UBXN11: variants seen among roughly 807,000 people sequenced by gnomAD.
The protein encoded by UBXN11 is UBX domain-containing protein 11.
A neutral mutation model predicts 62.8 loss-of-function variants in UBXN11; 47 were observed. The ratio of observed to expected loss-of-function variants is 0.75; its 90% confidence interval spans 0.59 to 0.95. UBXN11 has a LOEUF of 0.95. Among genes scored for constraint, UBXN11 ranks in the 40% least tolerant of loss-of-function variants. The pLI, the probability that UBXN11 is intolerant of heterozygous loss-of-function variation, is 0.00. For synonymous variants in UBXN11, 294 were observed against 267.0 expected, an observed-to-expected ratio of 1.10 and a Z score of -0.99; for missense variants, 638 against 661.7, an observed-to-expected ratio of 0.96 and a Z score of 0.39.
At chr1:26,293,846 T>G (rs918556613) in intron 8 of UBXN11, among the ~76,000 whole-genome samples, 4 of 151,526 alleles carry the variant, frequency 2.6e-5, no homozygotes, top group African/African-American at 9.7e-5. Flanking sequence ...CAGCAGCTTC[T>G]AGAACAGAAG....
chr1:26,306,834 G>GGGGGGGGGGTT (rs2073681653), upstream of UBXN11: 1 of 40,110 alleles, frequency 2.5e-5, no homozygotes, highest in African/African-American at 6.3e-5. Flanking sequence ...CGGGGTGGGG[G>GGGGGGGGGGTT]GGGGGGGTGG....
upstream of UBXN11, among the ~76,000 whole-genome samples, chr1:26,309,057 C>T (rs1238063766): frequency 2.0e-5 from 3 of 151,162 alleles, no homozygotes; most frequent in African/African-American, 4.9e-5. Flanking sequence ...CTCAGCCTCC[C>T]AAGTAGCTGG....
At chr1:26,314,423 G>A (rs908069712) in intron 1 of UBXN11, among the ~76,000 whole-genome samples, 6 of 152,200 alleles carry the variant, frequency 3.9e-5, no homozygotes, top group Non-Finnish European at 8.8e-5. Context: ...GCTCAGCTCA[G>A]TTTCTCAGCT....
chr1:26,306,824 CGGGGTGGG>C (rs1235878153), upstream of UBXN11: 7 of 5,168 alleles, frequency 1.4e-3, 2 homozygotes, highest in African/African-American at 5.8e-3. Flanking sequence ...AGGTCCGGGG[CGGGGTGGG>C]GGGGGGGGGT....
Position 26,285,800 on chromosome 1 carries a change from ACCC to A in UBXN11, c.774+20_774+22del, listed in dbSNP as rs370062434. On this transcript the variant is annotated intron_variant, in intron 9 of 14. Transcript: ENST00000374222. ...TGGGCAGCAGGGGCACTAGAGCACC[ACCC>A]CCCCCAACACCGCTCCTACCTGTGT... 5.7e-6 allele frequency: 9 copies of A among 1,566,978 alleles called. No homozygotes were observed. Among genetic ancestry groups the A allele is most frequent in the East Asian group, 4.6e-5 (2 of 43,644 alleles).
chr1:26,285,555 G>C lies in UBXN11; in HGVS notation c.775-14C>G, dbSNP rs779921734. 2 of 1,554,046 alleles carry C rather than the reference G, an allele frequency of 1.3e-6. No homozygotes were observed. The highest frequency in any genetic ancestry group is 4.6e-5 in the East Asian group (2 of 43,900). On this transcript the variant is annotated splice_polypyrimidine_tract_variant and intron_variant, in intron 9 of 14. Coordinates refer to ENST00000374222, the MANE Select transcript of UBXN11 (RefSeq NM_001389556.1). ...TCGGAGGCAGCGCTGCAAGGGAAGA[G>C]GAAAAGTGAGGGGGTGGCCTGGGCC...
intron 8 of UBXN11, among the ~76,000 whole-genome samples, chr1:26,287,063 C>A: frequency 6.6e-6 from 1 of 152,060 alleles, no homozygotes; most frequent in Non-Finnish European, 1.5e-5. Context: ...TGAAAAATGA[C>A]TCGTCCCAAG....
chr1:26,305,641 A>G (rs543704147), intron 1 of UBXN11, among the ~76,000 whole-genome samples: 2 of 151,926 alleles, frequency 1.3e-5, no homozygotes, highest in South Asian at 2.1e-4. Flanking sequence ...GGAGTGAAGT[A>G]TGTAATACGT....
chr1:26,287,963 G>A (rs1308471962), intron 8 of UBXN11, among the ~76,000 whole-genome samples: 1 of 150,660 alleles, frequency 6.6e-6, no homozygotes, highest in Non-Finnish European at 1.5e-5. Flanking sequence ...GGAGTATAGC[G>A]GCACAGTCAT....
chr1:26,296,771 G>T, intron 7 of UBXN11, 148 bp downstream of exon 7: 1 of 825,506 alleles, frequency 1.2e-6, no homozygotes, highest in Non-Finnish European at 1.9e-6. Flanking sequence ...GGCCAGTCCT[G>T]GGTAGGGAAA....
chr1:26,287,566 G>A (rs2073161651), intron 8 of UBXN11, among the ~76,000 whole-genome samples: 1 of 152,048 alleles, frequency 6.6e-6, no homozygotes, highest in Admixed American at 6.5e-5. Flanking sequence ...GGCTGCGGCA[G>A]GATGTGGGTC....
At chr1:26,289,109 C>T (rs2073198053) in intron 8 of UBXN11, among the ~76,000 whole-genome samples, 1 of 152,228 alleles carries the variant, frequency 6.6e-6, no homozygotes, top group South Asian at 2.1e-4. Context: ...ACCCAGCCAA[C>T]CCTCAACATG....
chr1:26,282,512 C>A lies in UBXN11; in HGVS notation c.1350G>T (p.Gln450His), dbSNP rs748311785. 2.5e-6 allele frequency: 4 copies of A among 1,600,210 alleles called. No homozygotes were observed. The highest frequency in any genetic ancestry group is 3.4e-6 in the Non-Finnish European group (4 of 1,170,796). ...CAGCCTGCAGCGTGAGTGTATCGTC[C>A]TGGTAGAGGGTGGGCGGGAATGTGC... ...IFSTFPPTLY[Q>H]DDTLTLQAAG... Residue 450 changes from glutamine to histidine, a missense_variant, in exon 15 of 15, where the codon CAG becomes CAT. By Grantham distance (24) the Gln-to-His change is conservative (BLOSUM62 0). Transcript: ENST00000374222.
chr1:26,308,275 A>AAAAAAAAAAG (rs1553165241), upstream of UBXN11, among the ~76,000 whole-genome samples: 4 of 141,232 alleles, frequency 2.8e-5, no homozygotes, highest in Non-Finnish European at 4.5e-5. Context: ...CAAAAAAAAA[A>AAAAAAAAAAG]AAAAGAAAAG....
In UBXN11 at chr1:26,282,705, C is replaced by G. The variant is rs2073028247; in HGVS notation, c.1236G>C (p.Leu412=). The change falls in exon 14 of 15, where the codon CTG becomes CTC. Residue 412 remains leucine, a synonymous_variant. Transcript: ENST00000374222. ...KSENGEQAFL[L]MMQPDNTIGD... is the part of the protein sequence containing the mutation. ...CAATGGTGTTGTCAGGCTGCATCAT[C>G]AGTAGGAAGGCCTGTTCCCCATTCT... The G allele has an allele frequency of 1.2e-6, 2 of 1,614,188 alleles. No homozygotes were observed. Among genetic ancestry groups the G allele is most frequent in the African/African-American group, 1.3e-5 (1 of 75,064 alleles).
At chr1:26,287,422 G>A (rs930768504) in intron 8 of UBXN11, among the ~76,000 whole-genome samples, 1 of 152,094 alleles carries the variant, frequency 6.6e-6, no homozygotes, top group Non-Finnish European at 1.5e-5. Context: ...ATGCTGGCTG[G>A]GTACAGACCA....
intron 1 of UBXN11, among the ~76,000 whole-genome samples, chr1:26,314,963 C>T (rs535829175): frequency 3.2e-4 from 48 of 152,232 alleles, no homozygotes; most frequent in Admixed American, 1.0e-3. Context: ...CACCTGTAGT[C>T]CCAGGTACTT....
upstream of UBXN11, among the ~76,000 whole-genome samples, chr1:26,308,265 C>CAA (rs112792329): frequency 1.3e-4 from 10 of 78,370 alleles, no homozygotes; most frequent in South Asian, 1.3e-3. Flanking sequence ...GAAACTCTGT[C>CAA]AAAAAAAAAA....
chr1:26,286,123 G>A (rs1191855680), intron 8 of UBXN11, 86 bp from the exon 9 acceptor site: 1 of 1,294,356 alleles, frequency 7.7e-7, no homozygotes, highest in Admixed American at 2.6e-5. Flanking sequence ...CTCCCAAGCT[G>A]GGCAGTGGTC....
Sources: gnomAD v4.1 joint callset for allele counts (sites outside exome capture counted in the v4.1 genomes callset) on GRCh38, gnomAD v4.1.1 for gene constraint, MANE v1.5 for transcripts, NCBI Gene and HGNC (gene_info 2026-07-23, HGNC 2026-07-21) for gene names.